The following GLIS3 variants were observed in gnomAD, a reference collection of about 807,000 sequenced individuals.
GLIS3 encodes the protein GLIS family zinc finger 3.
In GLIS3, 53 loss-of-function variants were observed where a neutral mutation model predicts 78.6. That is an observed-to-expected ratio of 0.67 (90% CI 0.54 to 0.85). The LOEUF is 0.85. Among genes scored for constraint, GLIS3 ranks in the 40% least tolerant of loss-of-function variants. The pLI is 0.00. For missense variants in GLIS3, 1,703 were observed against 1,231.1 expected, an observed-to-expected ratio of 1.38 and a Z score of -5.74; for synonymous variants, 684 against 509.9, an observed-to-expected ratio of 1.34 and a Z score of -4.60.
intron 4 of GLIS3, among the ~76,000 whole-genome samples, chr9:3,982,213 GTT>G (rs200029119): frequency 6.8e-6 from 1 of 146,404 alleles, no homozygotes; most frequent in Admixed American, 6.8e-5. Context: ...TTACCTCTCT[GTT>G]TTTTTTTTTC....
At chr9:4,458,466 G>A in the GLIS3 span, among the ~76,000 whole-genome samples, 1 of 152,140 alleles carries the variant, frequency 6.6e-6, no homozygotes, top group Non-Finnish European at 1.5e-5. Context: ...GATGGTGATG[G>A]TGGTGGAAGT....
intron 2 of GLIS3, among the ~76,000 whole-genome samples, chr9:4,199,875 G>C (rs1166706045): frequency 2.6e-5 from 4 of 151,986 alleles, no homozygotes; most frequent in Non-Finnish European, 4.4e-5. Context: ...ATCTACACAA[G>C]GAACATACTC....
At chr9:4,220,670 G>A (rs983591744) in intron 2 of GLIS3, among the ~76,000 whole-genome samples, 2 of 151,684 alleles carry the variant, frequency 1.3e-5, no homozygotes, top group Admixed American at 1.3e-4. Flanking sequence ...AGGCAGTAGG[G>A]TTGAGCCAGG....
At chr9:4,211,841 A>G (rs1820402945) in intron 2 of GLIS3, among the ~76,000 whole-genome samples, 1 of 152,260 alleles carries the variant, frequency 6.6e-6, no homozygotes. Context: ...TTGACAATAA[A>G]AAAGGAATGA....
intron 6 of GLIS3, among the ~76,000 whole-genome samples, chr9:3,905,164 C>CTTTTT (rs1563834122): frequency 5.3e-5 from 7 of 133,328 alleles, no homozygotes; most frequent in Non-Finnish European, 4.7e-5. Flanking sequence ...TTTTTTTTTG[C>CTTTTT]TATTTTTAGT....
At chr9:4,175,871 C>T (rs921598795) in intron 2 of GLIS3, among the ~76,000 whole-genome samples, 28 of 152,240 alleles carry the variant, frequency 1.8e-4, no homozygotes, top group African/African-American at 6.3e-4. Context: ...CCTCATTTGA[C>T]AGATGAAAAA....
the GLIS3 span, among the ~76,000 whole-genome samples, chr9:4,415,392 G>C: frequency 6.6e-6 from 1 of 152,164 alleles, no homozygotes; most frequent in South Asian, 2.1e-4. Flanking sequence ...TGGTTTGCCA[G>C]CCAGTAAATG....
chr9:4,411,577 G>A, the GLIS3 span, among the ~76,000 whole-genome samples: 1 of 152,058 alleles, frequency 6.6e-6, no homozygotes, highest in African/African-American at 2.4e-5. Context: ...TTTTCCCTTT[G>A]GTCCCATCTT....
At chr9:4,397,164 T>C in the GLIS3 span, among the ~76,000 whole-genome samples, 2 of 140,758 alleles carry the variant, frequency 1.4e-5, no homozygotes, top group Non-Finnish European at 3.0e-5. Flanking sequence ...TAGCTGGGAC[T>C]ACAGGTGCCC....
At chr9:3,839,021 A>G (rs568052836) in intron 9 of GLIS3, among the ~76,000 whole-genome samples, 2 of 152,342 alleles carry the variant, frequency 1.3e-5, no homozygotes, top group South Asian at 4.1e-4. Flanking sequence ...AAATCAGAGA[A>G]AGGCCCAGGG....
intron 2 of GLIS3, among the ~76,000 whole-genome samples, chr9:4,201,164 A>G (rs776179839): frequency 1.3e-5 from 2 of 152,208 alleles, no homozygotes; most frequent in South Asian, 4.1e-4. Context: ...TCAAGAAACT[A>G]GGCATCAAAG....
the GLIS3 span, among the ~76,000 whole-genome samples, chr9:4,475,720 C>T: frequency 4.0e-4 from 61 of 152,144 alleles, no homozygotes; most frequent in African/African-American, 8.0e-4. Context: ...TGTAAGCTGC[C>T]ATTTTGTGTA....
In GLIS3 at chr9:3,913,313, C is replaced by T. The variant is rs73386135; in HGVS notation, c.1984-14478G>A. Among the ~76,000 whole-genome samples, 548 of 152,272 alleles carry T rather than the reference C, an allele frequency of 3.6e-3. 4 individuals are homozygous for T. Among genetic ancestry groups the T allele is most frequent in the African/African-American group, 0.012 (496 of 41,542 alleles). On this transcript the variant is annotated intron_variant, in intron 6 of 10. Transcript: ENST00000381971. The stretch of plus-strand genomic sequence containing the variant: ...CTGTCGTTTCAATGGAGAGCACTTG[C>T]TTTTTGCTCTCCCATCCATTCTATA...
chr9:4,000,338 C>T (rs1360065820), intron 4 of GLIS3, among the ~76,000 whole-genome samples: 3 of 151,938 alleles, frequency 2.0e-5, no homozygotes, highest in Non-Finnish European at 4.4e-5. Context: ...TAAGGAAAAG[C>T]AAGAAAATTC....
chr9:4,335,527 T>C (rs988459337), intron 2 of GLIS3, among the ~76,000 whole-genome samples: 6 of 152,160 alleles, frequency 3.9e-5, no homozygotes, highest in African/African-American at 1.4e-4. Context: ...AGCCTTCAAG[T>C]GTGAAAAACA....
At chr9:3,955,235 C>T (rs1817019975) in intron 4 of GLIS3, among the ~76,000 whole-genome samples, 1 of 152,176 alleles carries the variant, frequency 6.6e-6, no homozygotes, top group Non-Finnish European at 1.5e-5. Context: ...TTAGTCATTG[C>T]ACCCATGAAG....
intron 4 of GLIS3, among the ~76,000 whole-genome samples, chr9:4,027,467 T>G (rs1823440102): frequency 6.6e-6 from 1 of 152,142 alleles, no homozygotes; most frequent in Non-Finnish European, 1.5e-5. Flanking sequence ...CACTGTAAAA[T>G]TAGACATATT....
At chr9:4,464,525 G>A in the GLIS3 span, among the ~76,000 whole-genome samples, 3 of 151,988 alleles carry the variant, frequency 2.0e-5, no homozygotes, top group African/African-American at 7.2e-5. Flanking sequence ...CTCCCGAGCA[G>A]CTGGGATTAC....
At chr9:3,928,389 G>A (rs1169759784) in intron 6 of GLIS3, among the ~76,000 whole-genome samples, 1 of 152,208 alleles carries the variant, frequency 6.6e-6, no homozygotes, top group African/African-American at 2.4e-5. Flanking sequence ...TCTAGACCAT[G>A]ACTGAAAGCA....
Sources: allele counts gnomAD v4.1 joint callset (sites outside exome capture counted in the v4.1 genomes callset), GRCh38; gene constraint gnomAD v4.1.1; transcripts MANE v1.5; gene names NCBI Gene and HGNC (gene_info 2026-07-23, HGNC 2026-07-21).